OR51A4: variants seen among roughly 807,000 people sequenced by gnomAD.
The protein encoded by OR51A4 is olfactory receptor family 51 subfamily A member 4.
For synonymous variants in OR51A4, 96 were observed against 141.5 expected (o/e 0.68, Z 2.28); for missense variants, 243 against 364.0 (o/e 0.67, Z 2.70).
Position 4,945,609 on chromosome 11 carries a change from C to T in OR51A4, c.*550G>A, listed in dbSNP as rs1846283321. On this transcript the variant is annotated 3_prime_UTR_variant, in exon 2 of 2. Transcript: ENST00000641898. ...TGAGAGAAATGCTGGTGACTGCAGA[C>T]TACTGGTGGGGCAAGAGTGAAAGAG... 6.3e-6 allele frequency: 1 copy of T among 157,854 alleles called. No homozygotes were observed. The highest frequency in any genetic ancestry group is 1.4e-5 in the Non-Finnish European group (1 of 71,424). 9.8% of individuals were successfully genotyped at this position (157,854 alleles called of 1,614,324 possible).
Position 4,944,006 on chromosome 11 carries a change from T to C in OR51A4, c.*2153A>G. The stretch of plus-strand genomic sequence containing the variant: ...TGAAGTCTTCATATTGGGCTGCCTA[T>C]CCGCACACTGGGAGAATATGAGCTT... On this transcript the variant is annotated 3_prime_UTR_variant, in exon 2 of 2. Transcript: ENST00000641898. 1 of 421,626 alleles carries C rather than the reference T, an allele frequency of 2.4e-6. No individual in the cohort carries two copies. Among genetic ancestry groups the C allele is most frequent in the East Asian group, 7.1e-5 (1 of 14,124 alleles). The allele number at this position is 421,626 out of a possible 1,614,324, so 26.1% of individuals were successfully genotyped here. A position where few individuals can be genotyped will look rare whatever the true frequency, so the allele number is the denominator to read the frequency against.
chr11:4,943,723 A>C lies in OR51A4; in HGVS notation c.*2436T>G, dbSNP rs569902833. On this transcript the variant is annotated 3_prime_UTR_variant, in exon 2 of 2. Transcript: ENST00000641898. Reference sequence around the variant, plus strand: ...CACTGTTTAAGGAGCCCCAGAGTTGAGATTTTAATCCTCCAAAAACTACAT... The same window carrying C: ...CACTGTTTAAGGAGCCCCAGAGTTGCGATTTTAATCCTCCAAAAACTACAT... The C allele has an allele frequency of 2.8e-6, 1 of 353,802 alleles. No individual in the cohort carries two copies. The highest frequency in any genetic ancestry group is 2.1e-5 in the African/African-American group (1 of 46,728). 21.9% of individuals were successfully genotyped at this position (353,802 alleles called of 1,614,324 possible).
Position 4,943,606 on chromosome 11 carries a change from G to GAC in OR51A4, c.*2551_*2552dup. On this transcript the variant is annotated 3_prime_UTR_variant, in exon 2 of 2. Transcript: ENST00000641898. ...CGGCCTCTAATCAGTGGAAGTCAGT[G>GAC]ACACACCCACACCCCCAGGTTGCAA... is the stretch of plus-strand genomic sequence containing the variant. 2.5e-6 allele frequency: 1 copy of GAC among 392,978 alleles called. No homozygotes were observed. Among genetic ancestry groups the GAC allele is most frequent in the Admixed American group, 2.9e-5 (1 of 34,792 alleles). 24.3% of individuals were successfully genotyped at this position (392,978 alleles called of 1,614,324 possible).
chr11:4,943,629 C>T lies in OR51A4; in HGVS notation c.*2530G>A, dbSNP rs1051910487. 3.8e-5 allele frequency: 14 copies of T among 369,518 alleles called. No individual in the cohort carries two copies. In the East Asian group the frequency reaches 7.4e-4, roughly 19 times the overall value. The allele number at this position is 369,518 out of a possible 1,614,324, so 22.9% of individuals were successfully genotyped here. A position where few individuals can be genotyped will look rare whatever the true frequency, so the allele number is the denominator to read the frequency against. On this transcript the variant is annotated 3_prime_UTR_variant, in exon 2 of 2. Transcript: ENST00000641898. ...GTGACACACCCACACCCCCAGGTTG[C>T]AACAACCGAAGATGTCCCCAGACAT... is the stretch of plus-strand genomic sequence containing the variant.
chr11:4,944,479 A>AT lies in OR51A4; in HGVS notation c.*1679dup, dbSNP rs1196683609. ...TGCATAAATTAGAGGTTTACAAACA[A>AT]TGTTTGTATCTATAAAGATTTTCCA... On this transcript the variant is annotated 3_prime_UTR_variant, in exon 2 of 2. Coordinates refer to ENST00000641898, the MANE Select transcript of OR51A4 (RefSeq NM_001005329.2). 1 of 156,076 alleles carries AT rather than the reference A, an allele frequency of 6.4e-6. No homozygotes were observed. The highest frequency in any genetic ancestry group is 1.4e-5 in the Non-Finnish European group (1 of 70,918). 9.7% of individuals were successfully genotyped at this position (156,076 alleles called of 1,614,324 possible).
rs947079181 is a variant in OR51A4, at chr11:4,943,609, A to T, written c.*2550T>A. The stretch of plus-strand genomic sequence containing the variant: ...CCTCTAATCAGTGGAAGTCAGTGAC[A>T]CACCCACACCCCCAGGTTGCAACAA... On this transcript the variant is annotated 3_prime_UTR_variant, in exon 2 of 2. Transcript: ENST00000641898. 7.8e-6 allele frequency: 3 copies of T among 385,742 alleles called. No individual in the cohort carries two copies. Among genetic ancestry groups the T allele is most frequent in the African/African-American group, 6.3e-5 (3 of 47,782 alleles). The allele number at this position is 385,742 out of a possible 1,614,324, so 23.9% of individuals were successfully genotyped here.
chr11:4,946,284 T>C lies in OR51A4; in HGVS notation c.817A>G (p.Ile273Val), dbSNP rs142065273. 46 of 1,613,814 alleles carry C rather than the reference T, an allele frequency of 2.9e-5. No homozygotes were observed. The highest frequency in any genetic ancestry group is 3.5e-5 in the Non-Finnish European group (41 of 1,180,014). ...HRFARHVSPL[I>V]NVLMANVLLL... ...AGAACATTTGCCATGAGAACATTAA[T>C]GAGGGGAGAGACATGCCGGGCAAAG... The change falls in exon 2 of 2, where the codon ATT becomes GTT. Residue 273 changes from isoleucine (I) to valine (V), a missense_variant. Transcript: ENST00000641898.
At position 4,943,811 on chromosome 11, in the gene OR51A4, A is replaced by G. The variant is rs1443201328; in HGVS notation, c.*2348T>C. 2.3e-6 allele frequency: 1 copy of G among 433,512 alleles called. No individual in the cohort carries two copies. The highest frequency in any genetic ancestry group is 4.6e-6 in the Non-Finnish European group (1 of 217,968). 26.9% of individuals were successfully genotyped at this position (433,512 alleles called of 1,614,324 possible). On this transcript the variant is annotated 3_prime_UTR_variant, in exon 2 of 2. Transcript: ENST00000641898. ...CCATAAATCTTCACCTCCCCCATTG[A>G]GATTTATGTATCTTTATTTTATTTT...
At position 4,946,845 on chromosome 11, in the gene OR51A4, T is replaced by A. The variant is rs1293706376; in HGVS notation, c.256A>T (p.Ile86Phe). ...ATTTCAGGAGCATTGAACAGGAAGA[T>A]GCTTAACACAGTGGGCAGAGATGAT... ...SLSSLPTVLS[I>F]FLFNAPEISS... The change falls in exon 2 of 2, where the codon ATC (isoleucine) becomes TTC (phenylalanine). Residue 86 changes from isoleucine (I) to phenylalanine (F), a missense_variant. Physicochemically the swap from Ile to Phe is conservative, Grantham distance 21 (BLOSUM62 0). Transcript: ENST00000641898. 8.8e-6 allele frequency: 14 copies of A among 1,590,054 alleles called. No individual in the cohort carries two copies. Among genetic ancestry groups the A allele is most frequent in the Non-Finnish European group, 1.1e-5 (13 of 1,162,314 alleles).
chr11:4,946,026 C>G lies in OR51A4; in HGVS notation c.*133G>C. ...TAGTTCTATTCTCATTCGCAGTATC[C>G]AGAGTGAATAAAATAACTCTATGAC... On this transcript the variant is annotated 3_prime_UTR_variant, in exon 2 of 2. Coordinates refer to ENST00000641898, the MANE Select transcript of OR51A4 (RefSeq NM_001005329.2). 1.2e-6 allele frequency: 1 copy of G among 821,416 alleles called. No individual in the cohort carries two copies. The highest frequency in any genetic ancestry group is 1.9e-6 in the Non-Finnish European group (1 of 513,374). 50.9% of individuals were successfully genotyped at this position (821,416 alleles called of 1,614,324 possible).
At position 4,943,696 on chromosome 11, in the gene OR51A4, A is replaced by T; in HGVS notation, c.*2463T>A. 1 of 354,090 alleles carries T rather than the reference A, an allele frequency of 2.8e-6. No homozygotes were observed. Among genetic ancestry groups the T allele is most frequent in the Non-Finnish European group, 5.6e-6 (1 of 178,932 alleles). 21.9% of individuals were successfully genotyped at this position (354,090 alleles called of 1,614,324 possible). On this transcript the variant is annotated 3_prime_UTR_variant, in exon 2 of 2. Transcript: ENST00000641898. ...GAGGTAACATTGCTGCCAGTTGAGA[A>T]CCACTGTTTAAGGAGCCCCAGAGTT... is the stretch of plus-strand genomic sequence containing the variant.
Position 4,943,581 on chromosome 11 carries a change from C to G in OR51A4, c.*2578G>C, listed in dbSNP as rs148009587. The G allele has an allele frequency of 1.0e-4, 44 of 422,858 alleles. No individual in the cohort carries two copies. The highest frequency in any genetic ancestry group is 9.0e-4 in the African/African-American group (44 of 49,068). The allele number at this position is 422,858 out of a possible 1,614,324, so 26.2% of individuals were successfully genotyped here. A position where few individuals can be genotyped will look rare whatever the true frequency, so the allele number is the denominator to read the frequency against. On this transcript the variant is annotated 3_prime_UTR_variant, in exon 2 of 2. Transcript: ENST00000641898. ...ATTAAAGAATGGTTAGTAGCGTCTC[C>G]GGCCTCTAATCAGTGGAAGTCAGTG...
intron 1 of OR51A4, among the ~76,000 whole-genome samples, 186 bp downstream of exon 1, chr11:4,947,359 T>C (rs1846328330): frequency 8.0e-6 from 1 of 125,406 alleles, no homozygotes; most frequent in African/African-American, 2.7e-5. Flanking sequence ...CAGATTTAAA[T>C]TTTGTATTTA....
At position 4,943,972 on chromosome 11, in the gene OR51A4, T is replaced by C; in HGVS notation, c.*2187A>G. The stretch of plus-strand genomic sequence containing the variant: ...GCCACCTAATTACTCCTCATCTTTT[T>C]AGTGGAAATGAAGTCTTCATATTGG... On this transcript the variant is annotated 3_prime_UTR_variant, in exon 2 of 2. Transcript: ENST00000641898. 1 of 409,136 alleles carries C rather than the reference T, an allele frequency of 2.4e-6. No individual in the cohort carries two copies. Among genetic ancestry groups the C allele is most frequent in the Non-Finnish European group, 4.8e-6 (1 of 206,486 alleles). 25.3% of individuals were successfully genotyped at this position (409,136 alleles called of 1,614,324 possible).
In OR51A4 at chr11:4,944,136, G is replaced by C; in HGVS notation, c.*2023C>G. The C allele has an allele frequency of 2.2e-6, 1 of 455,578 alleles. No homozygotes were observed. Among genetic ancestry groups the C allele is most frequent in the Non-Finnish European group, 4.4e-6 (1 of 226,456 alleles). 28.2% of individuals were successfully genotyped at this position (455,578 alleles called of 1,614,324 possible). The stretch of plus-strand genomic sequence containing the variant: ...GTTTTGGAAAAGGTAGATAGATACA[G>C]TTATGCACCTCAAACATAGGAACAG... On this transcript the variant is annotated 3_prime_UTR_variant, in exon 2 of 2. Transcript: ENST00000641898.
Position 4,944,033 on chromosome 11 carries a change from T to C in OR51A4, c.*2126A>G, listed in dbSNP as rs185301162. The C allele has an allele frequency of 1.9e-5, 8 of 431,144 alleles. No homozygotes were observed. The Admixed American group carries it at 2.2e-4, about 12-fold the overall frequency. The allele number at this position is 431,144 out of a possible 1,614,324, so 26.7% of individuals were successfully genotyped here. ...CGCACACTGGGAGAATATGAGCTTC[T>C]ATTTCTTTCAATTAATAAAATATGT... On this transcript the variant is annotated 3_prime_UTR_variant, in exon 2 of 2. Coordinates refer to ENST00000641898, the MANE Select transcript of OR51A4 (RefSeq NM_001005329.2).
Position 4,946,027 on chromosome 11 carries a change from A to T in OR51A4, c.*132T>A. The T allele has an allele frequency of 1.2e-6, 1 of 826,124 alleles. No homozygotes were observed. The highest frequency in any genetic ancestry group is 1.9e-6 in the Non-Finnish European group (1 of 518,326). The allele number at this position is 826,124 out of a possible 1,614,324, so 51.2% of individuals were successfully genotyped here. On this transcript the variant is annotated 3_prime_UTR_variant, in exon 2 of 2. Transcript: ENST00000641898. ...AGTTCTATTCTCATTCGCAGTATCC[A>T]GAGTGAATAAAATAACTCTATGACA...
rs2595991 is a variant in OR51A4, at chr11:4,943,766, T to C, written c.*2393A>G. 5.2e-3 allele frequency: 2,005 copies of C among 383,064 alleles called. 39 individuals carry two copies. Among genetic ancestry groups the C allele is most frequent in the African/African-American group, 0.039 (1,845 of 47,312 alleles). The allele number at this position is 383,064 out of a possible 1,614,324, so 23.7% of individuals were successfully genotyped here. A position where few individuals can be genotyped will look rare whatever the true frequency, so the allele number is the denominator to read the frequency against. On this transcript the variant is annotated 3_prime_UTR_variant, in exon 2 of 2. Coordinates refer to ENST00000641898, the MANE Select transcript of OR51A4 (RefSeq NM_001005329.2). ...AACTACATTCTTCATTTCAGAAATA[T>C]GTGAAAATCATTATGCTGACCATAA...
chr11:4,945,999 T>C lies in OR51A4; in HGVS notation c.*160A>G. ...GACATAAGGCAACGTACTTCCTGTT[T>C]ATAGTTCTATTCTCATTCGCAGTAT... On this transcript the variant is annotated 3_prime_UTR_variant, in exon 2 of 2. Transcript: ENST00000641898. The C allele has an allele frequency of 1.4e-6, 1 of 699,126 alleles. No homozygotes were observed. Among genetic ancestry groups the C allele is most frequent in the Non-Finnish European group, 2.4e-6 (1 of 413,034 alleles). The allele number at this position is 699,126 out of a possible 1,614,324, so 43.3% of individuals were successfully genotyped here. A position where few individuals can be genotyped will look rare whatever the true frequency, so the allele number is the denominator to read the frequency against.
Sources: gnomAD v4.1 joint callset for allele counts (sites outside exome capture counted in the v4.1 genomes callset) on GRCh38, gnomAD v4.1.1 for gene constraint, MANE v1.5 for transcripts, NCBI Gene and HGNC (gene_info 2026-07-23, HGNC 2026-07-21) for gene names.